Variants in AFG2A observed in about 807,000 individuals in gnomAD.
AFG2A encodes the protein ATPase family gene 2 protein homolog A.
chr4:123,142,592 T>TA, the AFG2A span, among the ~76,000 whole-genome samples: 1 of 152,208 alleles, frequency 6.6e-6, no homozygotes, highest in Non-Finnish European at 1.5e-5. Flanking sequence ...CAACTTGAGA[T>TA]ACGTTAACTT....
At chr4:122,976,488 C>G in the AFG2A span, among the ~76,000 whole-genome samples, 18 of 152,148 alleles carry the variant, frequency 1.2e-4, no homozygotes, top group African/African-American at 4.1e-4. Flanking sequence ...GCTTTAGTAC[C>G]TTTTATTCTA....
At chr4:123,210,100 T>A in the AFG2A span, among the ~76,000 whole-genome samples, 1 of 152,220 alleles carries the variant, frequency 6.6e-6, no homozygotes, top group African/African-American at 2.4e-5. Flanking sequence ...TATTTTATTT[T>A]TACAAGTAAA....
chr4:123,231,805 T>A, the AFG2A span, among the ~76,000 whole-genome samples: 94,533 of 151,654 alleles, frequency 0.62, 30,246 homozygotes, highest in Admixed American at 0.68. Flanking sequence ...TATTATTGTG[T>A]CTCAGGGCAT....
the AFG2A span, among the ~76,000 whole-genome samples, chr4:123,050,739 C>CTTTTT: frequency 2.1e-5 from 3 of 140,308 alleles, no homozygotes; most frequent in African/African-American, 7.9e-5. Context: ...ATAGTTGTGT[C>CTTTTT]TTTTTTTTTT....
the AFG2A span, among the ~76,000 whole-genome samples, chr4:123,059,244 C>G: frequency 6.6e-6 from 1 of 150,624 alleles, no homozygotes; most frequent in Non-Finnish European, 1.5e-5. Flanking sequence ...TACTGGTGTG[C>G]TGCACCCATT....
the AFG2A span, among the ~76,000 whole-genome samples, chr4:123,054,790 T>C: frequency 6.6e-6 from 1 of 152,196 alleles, no homozygotes. Flanking sequence ...CATTTTGCTA[T>C]CCACAACACA....
the AFG2A span, chr4:123,056,345 G>A: frequency 1.3e-6 from 2 of 1,563,490 alleles, no homozygotes; most frequent in South Asian, 2.4e-5. Flanking sequence ...ATACATGATT[G>A]CATTTATAAA....
chr4:123,193,900 A>G, the AFG2A span, among the ~76,000 whole-genome samples: 3 of 152,178 alleles, frequency 2.0e-5, no homozygotes, highest in Non-Finnish European at 4.4e-5. Context: ...ACAGCCTTAC[A>G]TTTTTAAGAC....
the AFG2A span, among the ~76,000 whole-genome samples, chr4:123,268,888 C>T: frequency 2.6e-5 from 4 of 152,226 alleles, no homozygotes; most frequent in African/African-American, 9.6e-5. Context: ...TATTTTTAAG[C>T]TTTTCTATAA....
At chr4:123,260,857 C>T in the AFG2A span, among the ~76,000 whole-genome samples, 18 of 152,300 alleles carry the variant, frequency 1.2e-4, no homozygotes, top group African/African-American at 4.3e-4. Flanking sequence ...CTCCTACAGA[C>T]CAGGGGTCCC....
chr4:123,027,882 CG>C, the AFG2A span, among the ~76,000 whole-genome samples: 1 of 151,982 alleles, frequency 6.6e-6, no homozygotes, highest in Admixed American at 6.5e-5. Flanking sequence ...ACAGATGAAA[CG>C]TAACTTCTAA....
At chr4:123,189,722 A>G in the AFG2A span, among the ~76,000 whole-genome samples, 8 of 146,284 alleles carry the variant, frequency 5.5e-5, no homozygotes, top group Non-Finnish European at 1.5e-5. Flanking sequence ...GATGCCTTCC[A>G]TTTGCCTACA....
At chr4:123,199,906 A>G in the AFG2A span, among the ~76,000 whole-genome samples, 1 of 152,222 alleles carries the variant, frequency 6.6e-6, no homozygotes, top group Admixed American at 6.5e-5. Flanking sequence ...TGGAATATTT[A>G]CCTAAACCAG....
the AFG2A span, among the ~76,000 whole-genome samples, chr4:123,271,255 C>T: frequency 4.6e-5 from 7 of 152,142 alleles, no homozygotes; most frequent in South Asian, 4.2e-4. Context: ...GCTCATTTGC[C>T]GTTTACCAAA....
the AFG2A span, among the ~76,000 whole-genome samples, chr4:123,136,464 C>G: frequency 6.6e-6 from 1 of 151,580 alleles, no homozygotes. Flanking sequence ...GTCAGGAGAT[C>G]GAGACCATCC....
chr4:122,960,006 A>G, the AFG2A span, among the ~76,000 whole-genome samples: 1 of 152,068 alleles, frequency 6.6e-6, no homozygotes, highest in Non-Finnish European at 1.5e-5. Context: ...CAAAAGTTAT[A>G]TTTTCTTTAT....
the AFG2A span, among the ~76,000 whole-genome samples, chr4:123,036,655 T>A: frequency 6.6e-6 from 1 of 152,162 alleles, no homozygotes; most frequent in Non-Finnish European, 1.5e-5. Flanking sequence ...ATACACATTT[T>A]ACAACTTGCC....
chr4:123,072,628 A>G, the AFG2A span, among the ~76,000 whole-genome samples: 3 of 152,206 alleles, frequency 2.0e-5, no homozygotes, highest in Non-Finnish European at 2.9e-5. Context: ...TGCCAGCTGT[A>G]TAACATAGCT....
At chr4:122,955,531 C>G in the AFG2A span, among the ~76,000 whole-genome samples, 1 of 152,162 alleles carries the variant, frequency 6.6e-6, no homozygotes, top group Non-Finnish European at 1.5e-5. Flanking sequence ...ATCATTGACT[C>G]ATAGTTGTCT....
Sources: allele counts gnomAD v4.1 joint callset (sites outside exome capture counted in the v4.1 genomes callset), GRCh38; gene constraint gnomAD v4.1.1; transcripts MANE v1.5; gene names NCBI Gene and HGNC (gene_info 2026-07-23, HGNC 2026-07-21).